Variants in PCDHGA5 observed in about 807,000 individuals in gnomAD.
PCDHGA5 encodes protocadherin gamma subfamily A, 5.
In PCDHGA5, 36 loss-of-function variants were observed where a neutral mutation model predicts 56.7. The ratio of observed to expected loss-of-function variants is 0.64; its 90% CI spans 0.49 to 0.84. The LOEUF is 0.84. Ranked by LOEUF, PCDHGA5 falls within the 40% of genes least tolerant of loss-of-function variation. PCDHGA5 has a pLI of 0.00. For synonymous variants in PCDHGA5, 563 were observed against 520.2 expected (o/e 1.08, Z -1.12); for missense variants, 1,305 against 1,201.5 (o/e 1.09, Z -1.27).
chr5:141,444,360 G>A (rs556605314), intron 1 of PCDHGA5, among the ~76,000 whole-genome samples: 1 of 151,652 alleles, frequency 6.6e-6, no homozygotes, highest in South Asian at 2.1e-4. Context: ...TAGTAGAGAC[G>A]GGGTTTCTCC....
At chr5:141,415,762 T>G (rs1561760360) in intron 1 of PCDHGA5, 16 of 1,399,878 alleles carry the variant, frequency 1.1e-5, no homozygotes, top group East Asian at 5.3e-5. Flanking sequence ...TTTTTTTTTT[T>G]TTTTTTTTTT....
At position 141,489,888 on chromosome 5, in the gene PCDHGA5, T is replaced by TG. The variant is rs759744295; in HGVS notation, c.2422-4913dup. On this transcript the variant is annotated intron_variant, in intron 1 of 3. Coordinates refer to ENST00000518069, the MANE Select transcript of PCDHGA5 (RefSeq NM_018918.3). The surrounding 1 kb of genome is among the most constrained non-coding windows in gnomAD (Gnocchi z 4.5). ...ATCAGCTGGTGCTTACTGCTGTGGATGGGGGGACCCCAGCCCGCTCAGGGA... is the reference window on the plus strand; with the variant it reads ...ATCAGCTGGTGCTTACTGCTGTGGATGGGGGGGACCCCAGCCCGCTCAGGGA... 6.4e-5 allele frequency: 103 copies of TG among 1,614,088 alleles called. No individual in the cohort carries two copies. Among genetic ancestry groups the TG allele is most frequent in the Non-Finnish European group, 8.6e-5 (101 of 1,180,048 alleles).
intron 1 of PCDHGA5, among the ~76,000 whole-genome samples, chr5:141,475,299 T>C (rs1227132122): frequency 6.6e-6 from 1 of 152,204 alleles, no homozygotes; most frequent in Non-Finnish European, 1.5e-5. Context: ...AAATTTCTTA[T>C]TGCTCCCTGG....
intron 1 of PCDHGA5, among the ~76,000 whole-genome samples, chr5:141,482,760 C>CAGCTGTG (rs1363796107): frequency 2.1e-5 from 3 of 141,084 alleles, no homozygotes; most frequent in African/African-American, 5.7e-5. Flanking sequence ...TATGGTATTT[C>CAGCTGTG]ATTATCACTG....
chr5:141,389,590 G>T (rs1409328445), intron 1 of PCDHGA5: 1 of 1,613,014 alleles, frequency 6.2e-7, no homozygotes, highest in Non-Finnish European at 8.5e-7. Context: ...GGTCCCGACG[G>T]CTCTGCGCTC....
chr5:141,379,097 A>G (rs1775367339), intron 1 of PCDHGA5: 1 of 152,260 alleles, frequency 6.6e-6, no homozygotes, highest in Non-Finnish European at 1.5e-5. Context: ...ATGTGTAAGA[A>G]AAAAGCAATT....
chr5:141,370,490 G>C (rs780342479), intron 1 of PCDHGA5: 2 of 1,613,894 alleles, frequency 1.2e-6, no homozygotes, highest in South Asian at 1.1e-5. Flanking sequence ...TCTCCGAACC[G>C]ATCCGCTACG....
intron 1 of PCDHGA5, among the ~76,000 whole-genome samples, chr5:141,397,036 T>G (rs2093467467): frequency 2.0e-5 from 3 of 152,222 alleles, no homozygotes. Context: ...TGTCCACAAA[T>G]TTATGTAAAT....
At chr5:141,422,167 A>G in intron 1 of PCDHGA5, 1 of 1,562,764 alleles carries the variant, frequency 6.4e-7, no homozygotes, top group Non-Finnish European at 8.6e-7. Context: ...TGAAAAATAT[A>G]GATTCTATGA....
chr5:141,490,544 A>G lies in PCDHGA5; in HGVS notation c.2422-4263A>G. 6.2e-7 allele frequency: 1 copy of G among 1,614,120 alleles called. No individual in the cohort carries two copies. Among genetic ancestry groups the G allele is most frequent in the Non-Finnish European group, 8.5e-7 (1 of 1,180,028 alleles). ...AGCGATGCTGGTTCACCTTCCCTAC[A>G]CAAACATCTCACCATCAGGCTCAAC... On this transcript the variant is annotated intron_variant, in intron 1 of 3. Transcript: ENST00000518069. This position sits in a 1 kb window ranked among gnomAD's most constrained non-coding sequence, Gnocchi z 5.4.
intron 1 of PCDHGA5, chr5:141,371,065 G>GT (rs1255340966): frequency 2.5e-6 from 4 of 1,613,804 alleles, no homozygotes; most frequent in Non-Finnish European, 2.5e-6. Flanking sequence ...TCCAGAAGCT[G>GT]TACCACCCAG....
At chr5:141,504,240 G>A (rs1275204117) in intron 2 of PCDHGA5, among the ~76,000 whole-genome samples, 1 of 152,182 alleles carries the variant, frequency 6.6e-6, no homozygotes, top group Non-Finnish European at 1.5e-5. Context: ...AAGAAGCAGA[G>A]AGTTCTTCTT....
At chr5:141,379,736 T>G (rs1361966211) in intron 1 of PCDHGA5, 1 of 152,178 alleles carries the variant, frequency 6.6e-6, no homozygotes, top group Non-Finnish European at 1.5e-5. Context: ...AAGTTATGGC[T>G]AAATGAGGTT....
rs944974638 is a variant in PCDHGA5, at chr5:141,393,886, A to C, written c.2421+27135A>C. 3.7e-6 allele frequency: 6 copies of C among 1,614,034 alleles called. No individual in the cohort carries two copies. In the East Asian group the frequency reaches 1.3e-4, roughly 36 times the overall value. On this transcript the variant is annotated intron_variant, in intron 1 of 3. Coordinates refer to ENST00000518069, the MANE Select transcript of PCDHGA5 (RefSeq NM_018918.3). ...ACGTCTTTGTTTAGCCCAGTGTTAG[A>C]AAATTCTCTTCCCGGGACAGTAATT...
At chr5:141,509,094 T>C (rs1038935185) in intron 3 of PCDHGA5, among the ~76,000 whole-genome samples, 4 of 152,152 alleles carry the variant, frequency 2.6e-5, no homozygotes, top group African/African-American at 9.7e-5. Context: ...AAATGGGGGC[T>C]GTAGAAACCT....
intron 2 of PCDHGA5, among the ~76,000 whole-genome samples, chr5:141,500,136 A>G (rs966215589): frequency 6.6e-6 from 1 of 151,606 alleles, no homozygotes; most frequent in African/African-American, 2.4e-5. Flanking sequence ...ATATCTTTCT[A>G]AACTTTTCTT....
At chr5:141,395,543 TGTGTG>T in intron 1 of PCDHGA5, 1 of 8,204 alleles carries the variant, frequency 1.2e-4, no homozygotes, top group Non-Finnish European at 2.0e-4. Context: ...TGCTATTGTT[TGTGTG>T]TGTGTGTGTG....
At chr5:141,377,770 T>A (rs1774342115) in intron 1 of PCDHGA5, 1 of 152,210 alleles carries the variant, frequency 6.6e-6, no homozygotes, top group South Asian at 2.1e-4. Flanking sequence ...ATCTTTGGTG[T>A]TAAAAGACCT....
chr5:141,374,469 A>C (rs1770516740), intron 1 of PCDHGA5: 1 of 1,612,580 alleles, frequency 6.2e-7, no homozygotes, highest in Admixed American at 1.7e-5. Context: ...ATTAATGACA[A>C]TACACCCCGA....
Sources: gnomAD v4.1 joint callset for allele counts (sites outside exome capture counted in the v4.1 genomes callset) on GRCh38, gnomAD v4.1.1 for gene constraint, Gnocchi (gnomAD v3.1) non-coding constraint, MANE v1.5 for transcripts, NCBI Gene and HGNC (gene_info 2026-07-23, HGNC 2026-07-21) for gene names.